The following CPS1 variants were observed in gnomAD, a reference collection of about 807,000 sequenced individuals.
CPS1 encodes the protein carbamoyl-phosphate synthase [ammonia], mitochondrial.
In CPS1, 109 loss-of-function variants were observed where a neutral mutation model predicts 174.6. The observed-to-expected ratio is 0.62, with a 90% confidence interval of 0.53 to 0.73. The LOEUF is 0.73. Ranked by LOEUF, CPS1 falls within the 30% of genes least tolerant of loss-of-function variation. The pLI, the probability that CPS1 is intolerant of heterozygous loss-of-function variation, is 0.00. For synonymous variants in CPS1, 637 were observed against 632.0 expected (o/e 1.01, Z -0.12); for missense variants, 1,689 against 1,821.9 (o/e 0.93, Z 1.33).
rs1418020485 is a variant in CPS1, at chr2:210,588,125, A to G, written c.689A>G (p.Asn230Ser). Reference sequence around the variant, plus strand: ...GCTGTAGACTGTGGGATTAAAAACAATGTAATCCGCCTGCTAGTAAAGGTA... The same window carrying G: ...GCTGTAGACTGTGGGATTAAAAACAGTGTAATCCGCCTGCTAGTAAAGGTA... The part of the protein sequence containing the change: ...VVAVDCGIKN[N>S]VIRLLVKRGA... The change falls in exon 7 of 38, where the codon AAT becomes AGT. Residue 230 changes from asparagine (N) to serine (S), a missense_variant. Physicochemically the swap from Asn to Ser is conservative, Grantham distance 46 (BLOSUM62 1). Transcript: ENST00000233072. 1.9e-6 allele frequency: 3 copies of G among 1,612,868 alleles called. No homozygotes were observed. The highest frequency in any genetic ancestry group is 2.7e-5 in the African/African-American group (2 of 74,966).
At chr2:210,631,870 A>C (rs749602364) in intron 21 of CPS1, among the ~76,000 whole-genome samples, 9 of 152,240 alleles carry the variant, frequency 5.9e-5, no homozygotes, top group Non-Finnish European at 8.8e-5. Flanking sequence ...ATACTAGTAC[A>C]TACAAATATA....
rs202117044 is a variant in CPS1, at chr2:210,592,872, C to T, written c.1087-7C>T. 141 of 1,610,798 alleles carry T rather than the reference C, an allele frequency of 8.8e-5. No individual in the cohort carries two copies. The highest frequency in any genetic ancestry group is 1.2e-4 in the Non-Finnish European group (137 of 1,177,656). On this transcript the variant is annotated splice_polypyrimidine_tract_variant and splice_region_variant and intron_variant, in intron 10 of 37. Coordinates refer to ENST00000233072, the MANE Select transcript of CPS1 (RefSeq NM_001875.5). ...AAGGAATTTCTTCCTGTTTCTTATTCCTTTAGGGGATTATGCATGAGAGCA... is the reference window on the plus strand; with the variant it reads ...AAGGAATTTCTTCCTGTTTCTTATTTCTTTAGGGGATTATGCATGAGAGCA...
chr2:210,526,799 C>T (rs1695984124), intron 1 of CPS1, among the ~76,000 whole-genome samples: 1 of 151,888 alleles, frequency 6.6e-6, no homozygotes, highest in Non-Finnish European at 1.5e-5. Context: ...ACTTAAAAAT[C>T]ACAAAGATTT....
intron 6 of CPS1, among the ~76,000 whole-genome samples, chr2:210,585,833 C>T (rs886407355): frequency 6.6e-6 from 1 of 151,702 alleles, no homozygotes; most frequent in Non-Finnish European, 1.5e-5. Context: ...TGTGAATAGA[C>T]TGGAAACTGA....
At chr2:210,571,600 G>A (rs776380470) in intron 1 of CPS1, among the ~76,000 whole-genome samples, 2 of 151,748 alleles carry the variant, frequency 1.3e-5, no homozygotes, top group Admixed American at 6.6e-5. Flanking sequence ...ACAAGACGTC[G>A]GAATATAGTA....
Position 210,591,875 on chromosome 2 carries a change from T to G in CPS1, c.992T>G (p.Phe331Cys), listed in dbSNP as rs1698313535. ...TTGAATATCACAAACAAACAGGCTTTCATTACTGCTCAGAATCATGGCTAT... is the reference window on the plus strand; with the variant it reads ...TTGAATATCACAAACAAACAGGCTTGCATTACTGCTCAGAATCATGGCTAT... ...PVLNITNKQA[F>C]ITAQNHGYAL... is the part of the protein sequence containing the mutation. Residue 331 changes from phenylalanine (F) to cysteine (C), a missense_variant, in exon 10 of 38, where the codon TTC becomes TGC. By Grantham distance (205) the Phe-to-Cys change is radical. Transcript: ENST00000233072. The G allele has an allele frequency of 6.2e-7, 1 of 1,612,486 alleles. No homozygotes were observed. Among genetic ancestry groups the G allele is most frequent in the African/African-American group, 1.3e-5 (1 of 74,808 alleles).
chr2:210,622,477 A>T (rs745594583), intron 21 of CPS1, among the ~76,000 whole-genome samples: 1 of 151,864 alleles, frequency 6.6e-6, no homozygotes, highest in Non-Finnish European at 1.5e-5. Flanking sequence ...AAGAAGTAAG[A>T]CTACCTAAAA....
At chr2:210,634,408 C>T (rs1262182054) in intron 21 of CPS1, among the ~76,000 whole-genome samples, 2 of 152,184 alleles carry the variant, frequency 1.3e-5, no homozygotes, top group African/African-American at 4.8e-5. Context: ...TCAGCCTGGG[C>T]GACAGAGCGA....
chr2:210,554,218 C>CAT (rs1306803866), upstream of CPS1, among the ~76,000 whole-genome samples: 1 of 133,780 alleles, frequency 7.5e-6, no homozygotes, highest in African/African-American at 3.0e-5. Context: ...TATATATATA[C>CAT]ACACACATAT....
At chr2:210,526,230 C>T (rs1695969137) in intron 1 of CPS1, among the ~76,000 whole-genome samples, 1 of 151,606 alleles carries the variant, frequency 6.6e-6, no homozygotes, top group Admixed American at 6.6e-5. Context: ...TGGGGCTTGT[C>T]GTGGGTTGGA....
chr2:210,613,574 G>A lies in CPS1; in HGVS notation c.2568+1281G>A, dbSNP rs181829907. Among the ~76,000 whole-genome samples the A allele has an allele frequency of 1.5e-3, 226 of 150,768 alleles. 2 individuals are homozygous for A. Among genetic ancestry groups the A allele is most frequent in the African/African-American group, 4.4e-3 (182 of 41,142 alleles). On this transcript the variant is annotated intron_variant, in intron 20 of 37. Transcript: ENST00000233072. The stretch of plus-strand genomic sequence containing the variant: ...GACATTCATATGTGTGTGTGTGTGT[G>A]TATATATATATATAAAATTTTTTTC...
At chr2:210,675,668 G>A (rs905805212) in intron 35 of CPS1, 60 bp from the exon 36 acceptor site, 6 of 839,812 alleles carry the variant, frequency 7.1e-6, no homozygotes, top group African/African-American at 1.7e-5. Flanking sequence ...TAAATTACAT[G>A]TTCCATAAAA....
At chr2:210,635,802 A>T (rs1292382709) in intron 21 of CPS1, among the ~76,000 whole-genome samples, 1 of 152,252 alleles carries the variant, frequency 6.6e-6, no homozygotes, top group African/African-American at 2.4e-5. Context: ...ATTAAATTCA[A>T]TGGGAGATTT....
intron 1 of CPS1, among the ~76,000 whole-genome samples, chr2:210,528,339 A>G (rs1015851507): frequency 2.6e-5 from 4 of 151,902 alleles, no homozygotes; most frequent in African/African-American, 4.8e-5. Context: ...ACACTTATAC[A>G]TTATTTCTTT....
intron 1 of CPS1, among the ~76,000 whole-genome samples, chr2:210,508,236 A>G (rs1019778965): frequency 4.0e-5 from 6 of 151,018 alleles, no homozygotes; most frequent in African/African-American, 7.3e-5. Flanking sequence ...ACTCAAAACC[A>G]CTCAACTACA....
chr2:210,565,974 C>T (rs1338236677), intron 1 of CPS1, among the ~76,000 whole-genome samples: 1 of 152,172 alleles, frequency 6.6e-6, no homozygotes, highest in Admixed American at 6.5e-5. Flanking sequence ...GAGAACTAAA[C>T]TGTAATGCAG....
chr2:210,515,801 T>C (rs1695667480), intron 1 of CPS1, among the ~76,000 whole-genome samples: 1 of 151,920 alleles, frequency 6.6e-6, no homozygotes, highest in Non-Finnish European at 1.5e-5. Flanking sequence ...GATCGTTAAT[T>C]TGAGATCTTT....
Position 210,660,833 on chromosome 2 carries a change from T to C in CPS1, c.3927+178T>C, listed in dbSNP as rs567502350. The stretch of plus-strand genomic sequence containing the variant: ...ACTATAGGCAACTTTATGTGAACTG[T>C]TGTACATTTCAAAAAAATTTTTAAA... On this transcript the variant is annotated intron_variant, in intron 32 of 37. Coordinates refer to ENST00000233072, the MANE Select transcript of CPS1 (RefSeq NM_001875.5). 1.3e-4 allele frequency among the ~76,000 whole-genome samples: 20 copies of C among 152,328 alleles called. No homozygotes were observed. The South Asian group carries it at 4.1e-3, about 32-fold the overall frequency.
At chr2:210,647,623 TGTGA>T (rs1350469931) in intron 25 of CPS1, among the ~76,000 whole-genome samples, 1 of 152,232 alleles carries the variant, frequency 6.6e-6, no homozygotes, top group Admixed American at 6.5e-5. Context: ...TTGCCACACA[TGTGA>T]GTGTCACAAA....
Sources: gnomAD v4.1 joint callset for allele counts (sites outside exome capture counted in the v4.1 genomes callset) on GRCh38, gnomAD v4.1.1 for gene constraint, MANE v1.5 for transcripts, NCBI Gene and HGNC (gene_info 2026-07-23, HGNC 2026-07-21) for gene names.